Variants in ART1 observed in about 807,000 individuals in gnomAD.
ART1 encodes the protein GPI-linked NAD(P)(+)--arginine ADP-ribosyltransferase 1.
In ART1, 29 loss-of-function variants were observed where a neutral mutation model predicts 27.0. That is an observed-to-expected ratio of 1.08 (90% CI 0.80 to 1.47). The LOEUF is 1.47. Among genes scored for constraint, ART1 ranks in the 40% most tolerant of loss-of-function variants. The pLI is 0.00. For missense variants in ART1, 480 were observed against 423.0 expected, an observed-to-expected ratio of 1.13 and a Z score of -1.18; for synonymous variants, 201 against 172.2, an observed-to-expected ratio of 1.17 and a Z score of -1.31.
intron 1 of ART1, among the ~76,000 whole-genome samples, chr11:3,649,203 G>T (rs1332923363): frequency 2.6e-5 from 4 of 151,986 alleles, no homozygotes; most frequent in African/African-American, 9.7e-5. Context: ...CCCTTAGCCT[G>T]TGCTCTCAAG....
At chr11:3,646,266 G>A (rs1306142398) in intron 1 of ART1, among the ~76,000 whole-genome samples, 2 of 152,122 alleles carry the variant, frequency 1.3e-5, no homozygotes, top group African/African-American at 2.4e-5. Context: ...GAGGCGGGGA[G>A]ATCAGCGAGG....
Position 3,660,315 on chromosome 11 carries a change from C to G in ART1, c.796C>G (p.Leu266Val), listed in dbSNP as rs754656464. Residue 266 changes from leucine (L) to valine (V), a missense_variant, in exon 3 of 5, where the codon CTC becomes GTC. Transcript: ENST00000250693. The part of the protein sequence containing the change: ...RLAQGPARIY[L>V]RALGKHSTYN... ...GGCCCAGGGCCCCGCCCGCATCTACCTCCGAGCCCTGGGCAAGCACAGCAC... is the reference window on the plus strand; with the variant it reads ...GGCCCAGGGCCCCGCCCGCATCTACGTCCGAGCCCTGGGCAAGCACAGCAC... 6.2e-7 allele frequency: 1 copy of G among 1,607,392 alleles called. No homozygotes were observed. Among genetic ancestry groups the G allele is most frequent in the African/African-American group, 1.3e-5 (1 of 75,032 alleles).
At chr11:3,663,258 T>C (rs2077637084) in intron 4 of ART1, among the ~76,000 whole-genome samples, 1 of 152,236 alleles carries the variant, frequency 6.6e-6, no homozygotes, top group South Asian at 2.1e-4. Context: ...TTGCTCAAGG[T>C]GACAATGAGT....
In ART1 at chr11:3,658,922, A is replaced by G. The variant is rs2077595558; in HGVS notation, c.-52-240A>G. 1.3e-5 allele frequency among the ~76,000 whole-genome samples: 2 copies of G among 151,618 alleles called. 1 individual carries two copies. The highest frequency in any genetic ancestry group is 4.2e-4 in the South Asian group (2 of 4,798). On this transcript the variant is annotated intron_variant, in intron 1 of 4. Coordinates refer to ENST00000250693, the MANE Select transcript of ART1 (RefSeq NM_004314.3). ...CACAAAAGTCCTTTCCCACCCAAAC[A>G]CCAGTCTTTTCTCTCCCAGTCTCCA...
chr11:3,655,845 T>G (rs16925377), intron 1 of ART1, among the ~76,000 whole-genome samples: 16,066 of 151,924 alleles, frequency 0.11, 934 homozygotes, highest in African/African-American at 0.13. Flanking sequence ...ATGACTGGAT[T>G]CTACACAGGA....
In ART1 at chr11:3,659,723, G is replaced by A. The variant is rs779072169; in HGVS notation, c.204G>A (p.Glu68=). 2 of 1,613,948 alleles carry A rather than the reference G, an allele frequency of 1.2e-6. No homozygotes were observed. Among genetic ancestry groups the A allele is most frequent in the East Asian group, 2.2e-5 (1 of 44,894 alleles). ...CTCTCCCGGATCTCAACCACACGGA[G>A]TTCCAGGCCAACCAGGTGTATGCAG... is the stretch of plus-strand genomic sequence containing the variant. The part of the protein sequence containing the change: ...TAALPDLNHT[E]FQANQVYADS... The change falls in exon 3 of 5, where the codon GAG becomes GAA. Residue 68 remains glutamate (E), a synonymous_variant. Coordinates refer to ENST00000250693, the MANE Select transcript of ART1 (RefSeq NM_004314.3).
At chr11:3,655,696 G>A (rs1409036864) in intron 1 of ART1, 1 of 152,198 alleles carries the variant, frequency 6.6e-6, no homozygotes, top group Non-Finnish European at 1.5e-5. Flanking sequence ...TCAACTCGCA[G>A]GAAGGCCTCT....
intron 1 of ART1, among the ~76,000 whole-genome samples, chr11:3,646,337 G>C (rs1441433407): frequency 6.6e-6 from 1 of 152,068 alleles, no homozygotes; most frequent in African/African-American, 2.4e-5. Context: ...GGAGAATCTA[G>C]GATGGACCCC....
intron 1 of ART1, among the ~76,000 whole-genome samples, chr11:3,651,682 T>C (rs1305813580): frequency 6.7e-6 from 1 of 148,672 alleles, no homozygotes; most frequent in Non-Finnish European, 1.5e-5. Context: ...TCTATTTTCT[T>C]CCTCATACCT....
chr11:3,660,495 C>A, intron 3 of ART1, 132 bp downstream of exon 3: 4 of 1,077,220 alleles, frequency 3.7e-6, no homozygotes, highest in Middle Eastern at 3.1e-4. Flanking sequence ...TCCACCAGCT[C>A]CCAACCCCTT....
intron 4 of ART1, 158 bp from the exon 5 acceptor site, chr11:3,663,932 ATC>A: frequency 1.6e-6 from 1 of 618,690 alleles, no homozygotes; most frequent in Non-Finnish European, 2.8e-6. Flanking sequence ...CTTGATCTTC[ATC>A]TCTGTTGCCC....
chr11:3,651,796 A>G (rs779549539), intron 1 of ART1, among the ~76,000 whole-genome samples: 46 of 151,634 alleles, frequency 3.0e-4, no homozygotes, highest in African/African-American at 1.1e-3. Flanking sequence ...CCGGCCTCCC[A>G]CATTATTCCT....
Position 3,659,233 on chromosome 11 carries a change from T to C in ART1, c.20T>C (p.Met7Thr), listed in dbSNP as rs765509255. 1 of 1,614,112 alleles carries C rather than the reference T, an allele frequency of 6.2e-7. No individual in the cohort carries two copies. The highest frequency in any genetic ancestry group is 8.5e-7 in the Non-Finnish European group (1 of 1,180,050). MQMPAMMSLLLVSVGLM... is the reference protein window; with the variant it reads MQMPAMTSLLLVSVGLM... ...ACCAGCATGCAGATGCCTGCTATGA[T>C]GTCTCTGCTTCTTGTGTCTGTGGGC... Residue 7 changes from methionine (M) to threonine (T), a missense_variant, in exon 2 of 5, where the codon ATG becomes ACG. Met to Thr is a moderately conservative substitution (Grantham distance 81). Coordinates refer to ENST00000250693, the MANE Select transcript of ART1 (RefSeq NM_004314.3).
At chr11:3,660,395 C>CGGAA (rs750933517) in intron 3 of ART1, 32 bp downstream of exon 3, 1 of 1,572,712 alleles carries the variant, frequency 6.4e-7, no homozygotes, top group Non-Finnish European at 8.6e-7. Flanking sequence ...GGCACCTGTG[C>CGGAA]GGAAGGTGGA....
At chr11:3,661,160 C>A (rs1044550144) in intron 3 of ART1, among the ~76,000 whole-genome samples, 1 of 152,042 alleles carries the variant, frequency 6.6e-6, no homozygotes, top group East Asian at 1.9e-4. Flanking sequence ...CAGAGTAGAC[C>A]CTGGCTCTGA....
intron 1 of ART1, among the ~76,000 whole-genome samples, chr11:3,649,336 C>T (rs61878510): frequency 0.027 from 4,068 of 152,304 alleles, 78 homozygotes; most frequent in Middle Eastern, 0.054. Context: ...ACGGCACTTT[C>T]AATTTTTCCA....
chr11:3,645,563 T>G (rs1371665709), intron 1 of ART1, among the ~76,000 whole-genome samples: 1 of 152,100 alleles, frequency 6.6e-6, no homozygotes, highest in Non-Finnish European at 1.5e-5. Flanking sequence ...CTGACACTGG[T>G]CACCAAGGCC....
chr11:3,657,293 G>C (rs2077582625), intron 1 of ART1, among the ~76,000 whole-genome samples: 1 of 152,156 alleles, frequency 6.6e-6, no homozygotes, highest in South Asian at 2.1e-4. Flanking sequence ...AGAAAACAGA[G>C]GCTGGGAGCT....
In ART1 at chr11:3,660,177, G is replaced by A. The variant is rs750142725; in HGVS notation, c.658G>A (p.Gly220Ser). Residue 220 changes from glycine to serine, a missense_variant, in exon 3 of 5, where the codon GGC becomes AGC. Coordinates refer to ENST00000250693, the MANE Select transcript of ART1 (RefSeq NM_004314.3). ...AQQFGEDTFF[G>S]IWTCLGAPIK... ...GCAGTTTGGTGAGGACACCTTCTTC[G>A]GCATCTGGACCTGCCTTGGGGCCCC... 3.3e-5 allele frequency: 54 copies of A among 1,613,976 alleles called. No homozygotes were observed. The highest frequency in any genetic ancestry group is 4.5e-5 in the East Asian group (2 of 44,872).
Sources: allele counts gnomAD v4.1 joint callset (sites outside exome capture counted in the v4.1 genomes callset), GRCh38; gene constraint gnomAD v4.1.1; transcripts MANE v1.5; gene names NCBI Gene and HGNC (gene_info 2026-07-23, HGNC 2026-07-21).